The following CCSER1 variants were observed in gnomAD, a reference collection of about 807,000 sequenced individuals.
The protein encoded by CCSER1 is serine-rich coiled-coil domain-containing protein 1.
In CCSER1, 41 loss-of-function variants were observed where a neutral mutation model predicts 82.0. The observed-to-expected ratio is 0.50, with a 90% CI of 0.39 to 0.65. The LOEUF is 0.65. CCSER1 is among the 30% of genes least tolerant of loss of function. The pLI is 0.00. For synonymous variants in CCSER1, 414 were observed against 383.9 expected (o/e 1.08, Z -0.92); for missense variants, 1,119 against 1,064.2 (o/e 1.05, Z -0.72).
At chr4:90,773,764 A>C (rs1329552529) in intron 7 of CCSER1, among the ~76,000 whole-genome samples, 1 of 152,200 alleles carries the variant, frequency 6.6e-6, no homozygotes, top group East Asian at 1.9e-4. Flanking sequence ...CCCATCCAAA[A>C]TTACAATAAC....
rs1019556734 is a variant in CCSER1 at position 91,100,472 on chromosome 4, G to A, written c.2217+14478G>A. ...GCTATTCAGAGATTTTACTGTCTGC[G>A]TTGACTAGTCCACACCATGACAATC... is the stretch of plus-strand genomic sequence containing the variant. On this transcript the variant is annotated intron_variant, in intron 10 of 10. Transcript: ENST00000509176. 5.9e-5 allele frequency among the ~76,000 whole-genome samples: 9 copies of A among 152,086 alleles called. No individual in the cohort carries two copies. The East Asian group carries it at 7.7e-4, about 13-fold the overall frequency.
At chr4:90,356,712 T>C (rs1448874475) in intron 3 of CCSER1, among the ~76,000 whole-genome samples, 1 of 151,892 alleles carries the variant, frequency 6.6e-6, no homozygotes, top group East Asian at 1.9e-4. Flanking sequence ...CGTTTATGTA[T>C]CCAATACTGA....
intron 9 of CCSER1, among the ~76,000 whole-genome samples, chr4:90,960,101 T>C (rs1004477664): frequency 2.6e-5 from 4 of 152,178 alleles, no homozygotes; most frequent in Non-Finnish European, 5.9e-5. Context: ...TTTAATGCCA[T>C]GAGTTAGAAT....
chr4:91,292,264 C>T (rs1743807069), intron 10 of CCSER1, among the ~76,000 whole-genome samples: 2 of 151,942 alleles, frequency 1.3e-5, no homozygotes, highest in African/African-American at 4.8e-5. Context: ...GTGAAAAAGA[C>T]AGTGTCTGTT....
intron 3 of CCSER1, among the ~76,000 whole-genome samples, chr4:90,333,297 G>A (rs888167976): frequency 2.0e-5 from 3 of 152,026 alleles, no homozygotes; most frequent in South Asian, 4.2e-4. Context: ...GTTGTAACCG[G>A]GAGTGGTTCA....
intron 9 of CCSER1, among the ~76,000 whole-genome samples, chr4:91,062,128 G>A (rs534760204): frequency 1.3e-5 from 2 of 151,798 alleles, no homozygotes; most frequent in African/African-American, 4.8e-5. Flanking sequence ...TGCAAACATT[G>A]TCTCATCTTT....
chr4:90,455,227 A>G (rs1581062), intron 4 of CCSER1, among the ~76,000 whole-genome samples: 3,706 of 152,268 alleles, frequency 0.024, 144 homozygotes, highest in African/African-American at 0.085. Flanking sequence ...TAAAATTAAT[A>G]CTTCATTTCT....
chr4:90,404,352 C>T lies in CCSER1; in HGVS notation c.1603+4223C>T, dbSNP rs562556943. Among the ~76,000 whole-genome samples, 10 of 152,208 alleles carry T rather than the reference C, an allele frequency of 6.6e-5. No homozygotes were observed. In the South Asian group the frequency reaches 1.9e-3, roughly 28 times the overall value. ...GAGGCTGAGCTCAGAAATGCCTATC[C>T]CTACCCCCACCTGGTGGTCTTTCTC... On this transcript the variant is annotated intron_variant, in intron 4 of 10. Transcript: ENST00000509176.
At chr4:90,369,347 GAAAA>G in intron 3 of CCSER1, among the ~76,000 whole-genome samples, 1 of 122,644 alleles carries the variant, frequency 8.2e-6, no homozygotes, top group Non-Finnish European at 1.7e-5. Context: ...GAAGAAGAAA[GAAAA>G]GAGGAGGAAA....
chr4:90,262,587 G>A (rs1724532802), intron 1 of CCSER1, among the ~76,000 whole-genome samples: 2 of 152,208 alleles, frequency 1.3e-5, no homozygotes, highest in East Asian at 1.9e-4. Flanking sequence ...TCTCCGGGTA[G>A]GAATCAGTTG....
chr4:91,469,911 C>A (rs1159052030), intron 10 of CCSER1, among the ~76,000 whole-genome samples: 2 of 152,168 alleles, frequency 1.3e-5, no homozygotes, highest in African/African-American at 2.4e-5. Context: ...TTGCTTTGCT[C>A]ATTCATAAGC....
intron 9 of CCSER1, among the ~76,000 whole-genome samples, chr4:90,939,579 C>A (rs1181699242): frequency 6.6e-6 from 1 of 152,016 alleles, no homozygotes; most frequent in Admixed American, 6.6e-5. Context: ...GGGTTCAGGG[C>A]AATAGAAATG....
intron 1 of CCSER1, among the ~76,000 whole-genome samples, chr4:90,142,371 G>A (rs912385402): frequency 6.6e-6 from 1 of 152,192 alleles, no homozygotes; most frequent in Admixed American, 6.5e-5. Flanking sequence ...TGAGTTGTGA[G>A]CAATACCTGC....
chr4:91,312,607 A>G (rs573783447), intron 10 of CCSER1, among the ~76,000 whole-genome samples: 2 of 152,026 alleles, frequency 1.3e-5, no homozygotes, highest in South Asian at 2.1e-4. Flanking sequence ...AAAGCACGCA[A>G]TACAGACTGG....
chr4:90,174,693 A>G (rs1560743301), intron 1 of CCSER1, among the ~76,000 whole-genome samples: 1 of 152,012 alleles, frequency 6.6e-6, no homozygotes, highest in Non-Finnish European at 1.5e-5. Flanking sequence ...ATTCTGCTGA[A>G]TACTAAGTAG....
At chr4:90,645,130 T>G (rs1338252097) in intron 6 of CCSER1, among the ~76,000 whole-genome samples, 1 of 151,660 alleles carries the variant, frequency 6.6e-6, no homozygotes, top group African/African-American at 2.4e-5. Context: ...TTTTGCGGCA[T>G]AGTATTCCAT....
intron 10 of CCSER1, among the ~76,000 whole-genome samples, chr4:91,381,573 G>T (rs1187709886): frequency 6.6e-6 from 1 of 152,036 alleles, no homozygotes; most frequent in Non-Finnish European, 1.5e-5. Context: ...GGTAGTTCTC[G>T]TGCCATGGTT....
intron 4 of CCSER1, among the ~76,000 whole-genome samples, chr4:90,416,979 A>G (rs563362967): frequency 3.3e-5 from 5 of 152,182 alleles, no homozygotes; most frequent in Admixed American, 6.5e-5. Context: ...GTTCTCACTT[A>G]TAAGTGGGAG....
chr4:90,324,667 T>C (rs530293717), intron 3 of CCSER1, among the ~76,000 whole-genome samples: 21 of 151,774 alleles, frequency 1.4e-4, no homozygotes, highest in Admixed American at 1.1e-3. Context: ...AGAAGCTCTT[T>C]AGTTTAATTA....
Sources: allele counts gnomAD v4.1 joint callset (sites outside exome capture counted in the v4.1 genomes callset), GRCh38; gene constraint gnomAD v4.1.1; transcripts MANE v1.5; gene names NCBI Gene and HGNC (gene_info 2026-07-23, HGNC 2026-07-21).